RNF169: variants seen among roughly 807,000 people sequenced by gnomAD.
The protein encoded by RNF169 is ring finger protein 169, also known as E3 ubiquitin-protein ligase RNF169.
Under a neutral mutation model 53.9 loss-of-function variants are expected in RNF169, and 24 were observed. The ratio of observed to expected loss-of-function variants is 0.45; its 90% CI spans 0.32 to 0.63. RNF169 has a LOEUF of 0.63. Among genes scored for constraint, RNF169 ranks in the 20% least tolerant of loss-of-function variants. The probability of loss-of-function intolerance (pLI) is 0.04; values close to 1 mark genes in which losing one functional copy is unlikely to be tolerated. For missense variants in RNF169, 883 were observed against 906.2 expected (o/e 0.97, Z 0.33); for synonymous variants, 396 against 363.5 (o/e 1.09, Z -1.02).
intron 1 of RNF169, among the ~76,000 whole-genome samples, chr11:74,753,058 T>G (rs1182579550): frequency 6.6e-6 from 1 of 152,196 alleles, no homozygotes; most frequent in Admixed American, 6.5e-5. Context: ...AACCTCCGCC[T>G]CACCGGTTCA....
At chr11:74,755,580 A>G (rs2034969442) in intron 1 of RNF169, among the ~76,000 whole-genome samples, 6 of 152,250 alleles carry the variant, frequency 3.9e-5, no homozygotes, top group Admixed American at 3.3e-4. Flanking sequence ...CACATACTCA[A>G]ATAACAATAC....
chr11:74,776,856 A>G (rs912726180), intron 1 of RNF169, among the ~76,000 whole-genome samples: 1 of 152,210 alleles, frequency 6.6e-6, no homozygotes, highest in Non-Finnish European at 1.5e-5. Flanking sequence ...ATATCTAGGA[A>G]TAGGGAGATG....
At chr11:74,791,432 C>T (rs1026709949) in intron 2 of RNF169, among the ~76,000 whole-genome samples, 2 of 152,200 alleles carry the variant, frequency 1.3e-5, no homozygotes, top group African/African-American at 4.8e-5. Context: ...ATCAACCTGC[C>T]CTGTACAGTA....
chr11:74,831,983 A>C (rs1047043376), intron 4 of RNF169: 3 of 152,236 alleles, frequency 2.0e-5, no homozygotes, highest in Non-Finnish European at 4.4e-5. Flanking sequence ...CTCATACCAC[A>C]TACAAAAATG....
chr11:74,811,910 C>T lies in RNF169; in HGVS notation c.723+1580C>T, dbSNP rs187077307. 3.6e-3 allele frequency among the ~76,000 whole-genome samples: 542 copies of T among 152,230 alleles called. 3 individuals carry two copies. The highest frequency in any genetic ancestry group is 0.013 in the African/African-American group (532 of 41,550). ...GCTGTGGTCTGTAGTCTCTGAAGAC[C>T]GCGGCTCTCCCTCTTCACCCTGACA... On this transcript the variant is annotated intron_variant, in intron 3 of 5. Transcript: ENST00000299563.
intron 2 of RNF169, among the ~76,000 whole-genome samples, chr11:74,796,932 A>G (rs1031823123): frequency 6.6e-6 from 1 of 152,222 alleles, no homozygotes; most frequent in African/African-American, 2.4e-5. Flanking sequence ...TGTACACTAC[A>G]GACTGAAACT....
At chr11:74,804,089 A>G (rs182046384) in intron 2 of RNF169, among the ~76,000 whole-genome samples, 7 of 152,248 alleles carry the variant, frequency 4.6e-5, no homozygotes, top group African/African-American at 1.7e-4. Context: ...CGTTCTCCCC[A>G]TATCTGTGTG....
At chr11:74,786,237 C>T (rs1325395951) in intron 1 of RNF169, among the ~76,000 whole-genome samples, 31 of 147,634 alleles carry the variant, frequency 2.1e-4, no homozygotes, top group Non-Finnish European at 3.4e-4. Context: ...CTGTGCCTGG[C>T]CTGTTTCTTT....
intron 4 of RNF169, among the ~76,000 whole-genome samples, chr11:74,827,471 T>G (rs115108169): frequency 6.6e-6 from 1 of 152,224 alleles, no homozygotes; most frequent in Admixed American, 6.5e-5. Context: ...TTATTACTTA[T>G]GCAAATTTCT....
At chr11:74,767,660 C>T (rs1308466814) in intron 1 of RNF169, among the ~76,000 whole-genome samples, 1 of 152,096 alleles carries the variant, frequency 6.6e-6, no homozygotes, top group Non-Finnish European at 1.5e-5. Flanking sequence ...ACCTCCGCCT[C>T]CTGGGTTCAC....
intron 1 of RNF169, among the ~76,000 whole-genome samples, chr11:74,761,496 G>A (rs1234901049): frequency 1.3e-5 from 2 of 149,368 alleles, no homozygotes; most frequent in Non-Finnish European, 3.0e-5. Flanking sequence ...AGCTCTTTTA[G>A]GGCAGGCCTG....
intron 3 of RNF169, among the ~76,000 whole-genome samples, chr11:74,814,164 A>C (rs1243700579): frequency 6.6e-6 from 1 of 151,838 alleles, no homozygotes; most frequent in Non-Finnish European, 1.5e-5. Context: ...CTAATAAAAA[A>C]TACAAAAGTT....
chr11:74,804,527 G>A (rs2035778505), intron 2 of RNF169, among the ~76,000 whole-genome samples: 2 of 152,086 alleles, frequency 1.3e-5, no homozygotes, highest in Middle Eastern at 3.2e-3. Flanking sequence ...TTAACCCACC[G>A]CCACTGCAAC....
At chr11:74,754,549 G>C (rs752534214) in intron 1 of RNF169, among the ~76,000 whole-genome samples, 1 of 152,138 alleles carries the variant, frequency 6.6e-6, no homozygotes, top group Admixed American at 6.5e-5. Flanking sequence ...GGCCAGGCGC[G>C]GTGGCTCACA....
chr11:74,750,333 C>T (rs1324124938), intron 1 of RNF169, among the ~76,000 whole-genome samples: 1 of 152,152 alleles, frequency 6.6e-6, no homozygotes, highest in Non-Finnish European at 1.5e-5. Context: ...TTTCAAGAAA[C>T]ATAAATCACG....
At position 74,810,312 on chromosome 11, in the gene RNF169, G is replaced by C. The variant is rs1249474728; in HGVS notation, c.705G>C (p.Leu235=). 1 of 1,613,490 alleles carries C rather than the reference G, an allele frequency of 6.2e-7. No individual in the cohort carries two copies. The highest frequency in any genetic ancestry group is 8.5e-7 in the Non-Finnish European group (1 of 1,179,836). Residue 235 remains leucine, a synonymous_variant, in exon 3 of 6, where the codon CTG becomes CTC. Coordinates refer to ENST00000299563, the MANE Select transcript of RNF169 (RefSeq NM_001098638.2). ...EQKKRDEPLV[L]KTNLERCPAR... ...AAAAAAGAGATGAACCATTAGTACT[G>C]AAAACAAATCTGGAACGTGTAAGTA...
At chr11:74,835,459 C>G in intron 5 of RNF169, 87 bp from the exon 6 acceptor site, 1 of 1,006,566 alleles carries the variant, frequency 9.9e-7, no homozygotes, top group Non-Finnish European at 1.5e-6. Flanking sequence ...CCTCCCCTTC[C>G]CTGTGCCTCC....
At chr11:74,814,779 T>C (rs1382200861) in intron 3 of RNF169, among the ~76,000 whole-genome samples, 1 of 152,226 alleles carries the variant, frequency 6.6e-6, no homozygotes, top group African/African-American at 2.4e-5. Flanking sequence ...AGTAATCTTT[T>C]ATTGATATTT....
chr11:74,773,117 A>G (rs2035283368), intron 1 of RNF169, among the ~76,000 whole-genome samples: 1 of 152,200 alleles, frequency 6.6e-6, no homozygotes, highest in Admixed American at 6.5e-5. Context: ...TTTGGTGACT[A>G]GGAGATTTGT....
Sources: gnomAD v4.1 joint callset for allele counts (sites outside exome capture counted in the v4.1 genomes callset) on GRCh38, gnomAD v4.1.1 for gene constraint, MANE v1.5 for transcripts, NCBI Gene and HGNC (gene_info 2026-07-23, HGNC 2026-07-21) for gene names.